Variants in KCND2 observed in about 807,000 individuals in gnomAD.
KCND2 encodes potassium voltage-gated channel subfamily D member 2.
Under a neutral mutation model 54.4 loss-of-function variants are expected in KCND2, and 16 were observed. The observed-to-expected ratio is 0.29, with a 90% CI of 0.20 to 0.45. The LOEUF (loss-of-function observed/expected upper bound fraction) is 0.45. KCND2 is among the 20% of genes least tolerant of loss of function. The pLI is 1.00. For missense variants in KCND2, 486 were observed against 824.2 expected (o/e 0.59, Z 5.02); for synonymous variants, 317 against 310.7 (o/e 1.02, Z -0.21).
At chr7:120,409,706 A>G (rs1253466708) in intron 1 of KCND2, among the ~76,000 whole-genome samples, 1 of 151,746 alleles carries the variant, frequency 6.6e-6, no homozygotes, top group African/African-American at 2.4e-5. Context: ...ATTATGTTTA[A>G]TCTTTTGACC....
chr7:120,625,535 G>A (rs892843096), intron 1 of KCND2, among the ~76,000 whole-genome samples: 15 of 152,242 alleles, frequency 9.9e-5, no homozygotes, highest in African/African-American at 3.6e-4. Context: ...CTGAGATAGA[G>A]TAATTCATTT....
intron 1 of KCND2, among the ~76,000 whole-genome samples, chr7:120,471,418 G>C (rs980646894): frequency 3.3e-5 from 5 of 152,056 alleles, no homozygotes; most frequent in Non-Finnish European, 5.9e-5. Context: ...TGGAGAAGAA[G>C]ATTTTATTAA....
At chr7:120,436,759 GAC>G (rs1027902045) in intron 1 of KCND2, among the ~76,000 whole-genome samples, 1 of 152,122 alleles carries the variant, frequency 6.6e-6, no homozygotes, top group Non-Finnish European at 1.5e-5. Context: ...TCATTCCAAG[GAC>G]ACATTAGGCC....
intron 1 of KCND2, among the ~76,000 whole-genome samples, chr7:120,314,630 GGGCCCGTATAAGCGATGGATCTGTATA>G (rs1341736500): frequency 6.6e-6 from 1 of 152,094 alleles, no homozygotes; most frequent in Non-Finnish European, 1.5e-5. Context: ...ATATATGTCA[GGGCCCGTATAAGCGATGGATCTGTATA>G]CAACATAAAG....
intron 1 of KCND2, among the ~76,000 whole-genome samples, chr7:120,385,583 C>A (rs1800976278): frequency 6.6e-6 from 1 of 152,104 alleles, no homozygotes; most frequent in African/African-American, 2.4e-5. Context: ...CTCAGTTATT[C>A]TGAACGCTTG....
intron 1 of KCND2, among the ~76,000 whole-genome samples, chr7:120,338,299 A>G (rs1311629236): frequency 6.6e-6 from 1 of 152,148 alleles, no homozygotes; most frequent in Non-Finnish European, 1.5e-5. Context: ...TTCTCACTAG[A>G]TAATAGAAAG....
chr7:120,428,952 C>T (rs568716984), intron 1 of KCND2, among the ~76,000 whole-genome samples: 3 of 152,128 alleles, frequency 2.0e-5, no homozygotes, highest in Admixed American at 2.0e-4. Flanking sequence ...ATCACAAAAC[C>T]CCAAAATAAG....
chr7:120,412,561 CT>C (rs1428129893), intron 1 of KCND2, among the ~76,000 whole-genome samples: 3 of 151,778 alleles, frequency 2.0e-5, no homozygotes, highest in Non-Finnish European at 4.4e-5. Flanking sequence ...ATATGTTTTC[CT>C]TTTCTGTTTC....
chr7:120,626,247 A>G (rs1793162219), intron 1 of KCND2, among the ~76,000 whole-genome samples: 1 of 152,206 alleles, frequency 6.6e-6, no homozygotes, highest in East Asian at 1.9e-4. Flanking sequence ...TGTTCTAGAT[A>G]TAAAATAAAA....
chr7:120,600,756 C>T (rs1249181929), intron 1 of KCND2, among the ~76,000 whole-genome samples: 2 of 151,928 alleles, frequency 1.3e-5, no homozygotes, highest in African/African-American at 2.4e-5. Flanking sequence ...TAACTTCATA[C>T]ATGATTTTCA....
intron 1 of KCND2, among the ~76,000 whole-genome samples, chr7:120,568,485 T>C (rs1437581310): frequency 6.6e-6 from 1 of 152,166 alleles, no homozygotes; most frequent in Non-Finnish European, 1.5e-5. Context: ...CATTTGTATC[T>C]TACTTTAGGG....
chr7:120,466,113 G>A (rs563520921), intron 1 of KCND2, among the ~76,000 whole-genome samples: 2 of 152,266 alleles, frequency 1.3e-5, no homozygotes, highest in Non-Finnish European at 2.9e-5. Context: ...AATCCCCAAG[G>A]TGAGACAACC....
intron 1 of KCND2, among the ~76,000 whole-genome samples, chr7:120,306,969 G>A (rs182984634): frequency 2.0e-5 from 3 of 151,956 alleles, no homozygotes; most frequent in African/African-American, 7.2e-5. Flanking sequence ...AAATTAAACT[G>A]CATTTTAAAT....
chr7:120,315,874 A>G (rs1799805229), intron 1 of KCND2, among the ~76,000 whole-genome samples: 1 of 151,658 alleles, frequency 6.6e-6, no homozygotes, highest in Non-Finnish European at 1.5e-5. Flanking sequence ...TCCATTGAAA[A>G]CTGATGAAAA....
chr7:120,702,590 C>G (rs561402175), intron 1 of KCND2, among the ~76,000 whole-genome samples: 1 of 152,172 alleles, frequency 6.6e-6, no homozygotes, highest in African/African-American at 2.4e-5. Context: ...TACATATACA[C>G]CATGGAATAC....
intron 1 of KCND2, among the ~76,000 whole-genome samples, chr7:120,497,462 A>C (rs962181721): frequency 2.0e-5 from 3 of 152,228 alleles, no homozygotes; most frequent in Non-Finnish European, 2.9e-5. Context: ...ATATTTCATA[A>C]GATTAGTTTT....
chr7:120,722,551 A>G (rs1053716624), intron 1 of KCND2, among the ~76,000 whole-genome samples: 4 of 152,228 alleles, frequency 2.6e-5, no homozygotes, highest in Admixed American at 2.6e-4. Context: ...GAGTAGATAA[A>G]TAGGTGGCAA....
chr7:120,643,650 A>G (rs951315250), intron 1 of KCND2, among the ~76,000 whole-genome samples: 2 of 152,110 alleles, frequency 1.3e-5, no homozygotes, highest in African/African-American at 2.4e-5. Context: ...ACTGATAAAT[A>G]AGGATCATAA....
At chr7:120,425,722 G>A (rs903220150) in intron 1 of KCND2, among the ~76,000 whole-genome samples, 3 of 152,226 alleles carry the variant, frequency 2.0e-5, no homozygotes, top group East Asian at 1.9e-4. Context: ...TGCACCATTC[G>A]TTGAAGTGAC....
Sources: gnomAD v4.1 joint callset for allele counts (sites outside exome capture counted in the v4.1 genomes callset) on GRCh38, gnomAD v4.1.1 for gene constraint, MANE v1.5 for transcripts, NCBI Gene and HGNC (gene_info 2026-07-23, HGNC 2026-07-21) for gene names.